AKR1C3: variants seen among roughly 807,000 people sequenced by gnomAD.
The protein encoded by AKR1C3 is aldo-keto reductase family 1 member C3.
AKR1C3 carries 48 observed loss-of-function variants against 43.6 expected under a neutral mutation model. The ratio of observed to expected loss-of-function variants is 1.10; its 90% CI spans 0.87 to 1.40. The LOEUF (loss-of-function observed/expected upper bound fraction) is 1.40, where lower values mean the gene tolerates loss of function less well. AKR1C3 is among the 40% of genes most tolerant of loss of function. The pLI, the probability that AKR1C3 is intolerant of heterozygous loss-of-function variation, is 0.00. For synonymous variants in AKR1C3, 162 were observed against 139.6 expected (o/e 1.16, Z -1.13); for missense variants, 482 against 391.2 (o/e 1.23, Z -1.96).
intron 1 of AKR1C3, among the ~76,000 whole-genome samples, chr10:5,065,494 G>C (rs549745693): frequency 6.6e-6 from 1 of 152,284 alleles, no homozygotes; most frequent in South Asian, 2.1e-4. Context: ...AGGGTGTCCA[G>C]GTTCTTGGCT....
At chr10:5,060,465 T>C (rs376043480) in intron 1 of AKR1C3, among the ~76,000 whole-genome samples, 2 of 152,158 alleles carry the variant, frequency 1.3e-5, no homozygotes, top group South Asian at 2.1e-4. Context: ...AGAGTGTCGA[T>C]TGGTGCATTC....
chr10:5,059,145 G>A (rs190792627), intron 1 of AKR1C3, among the ~76,000 whole-genome samples: 1 of 152,266 alleles, frequency 6.6e-6, no homozygotes, highest in East Asian at 1.9e-4. Flanking sequence ...ATTCCAGGTA[G>A]TCCCCACTAT....
chr10:5,054,023 T>C (rs892469014), intron 1 of AKR1C3, among the ~76,000 whole-genome samples: 1 of 152,182 alleles, frequency 6.6e-6, no homozygotes, highest in Non-Finnish European at 1.5e-5. Context: ...CTCCAGAGGT[T>C]GGTATAAGAA....
At chr10:5,105,182 A>T (rs1287726495) in intron 7 of AKR1C3, 1 of 156,346 alleles carries the variant, frequency 6.4e-6, no homozygotes, top group Non-Finnish European at 1.4e-5. Flanking sequence ...ATACCTGTTT[A>T]TTAAAGAGAT....
chr10:5,075,257 A>G (rs1261932646), intron 1 of AKR1C3, among the ~76,000 whole-genome samples: 1 of 151,864 alleles, frequency 6.6e-6, no homozygotes, highest in Non-Finnish European at 1.5e-5. Flanking sequence ...TCCCCTACAC[A>G]TGGTCATAAG....
intron 1 of AKR1C3, among the ~76,000 whole-genome samples, chr10:5,056,327 A>G (rs1217133420): frequency 1.3e-5 from 2 of 152,198 alleles, no homozygotes; most frequent in African/African-American, 2.4e-5. Context: ...CTTGAGGTCC[A>G]GAACCATGAA....
intron 1 of AKR1C3, among the ~76,000 whole-genome samples, chr10:5,055,396 A>T (rs1388204987): frequency 6.6e-6 from 1 of 152,232 alleles, no homozygotes; most frequent in Admixed American, 6.5e-5. Context: ...TCCCTCAAGG[A>T]GTAGTGCCTA....
chr10:5,050,596 A>G lies in AKR1C3; in HGVS notation c.84+1701A>G, dbSNP rs191716829. On this transcript the variant is annotated intron_variant, in intron 1 of 8. Coordinates refer to the AKR1C3 transcript ENST00000439082. The stretch of plus-strand genomic sequence containing the variant: ...AAGAACTCAAAAACTGGTAGATACC[A>G]TTGTTGATATTTTATTAATATAGAG... Among the ~76,000 whole-genome samples the G allele has an allele frequency of 2.4e-3, 361 of 152,360 alleles. 5 individuals are homozygous for G. The highest frequency in any genetic ancestry group is 0.021 in the Admixed American group (321 of 15,308).
At chr10:5,077,587 T>TA (rs782716721) in intron 1 of AKR1C3, 1 of 853,324 alleles carries the variant, frequency 1.2e-6, no homozygotes, top group Non-Finnish European at 1.4e-6. Context: ...AGACAATGGG[T>TA]AAAACATTAA....
At chr10:5,095,352 T>C (rs1329710218) in intron 1 of AKR1C3, among the ~76,000 whole-genome samples, 4 of 152,020 alleles carry the variant, frequency 2.6e-5, no homozygotes, top group African/African-American at 7.2e-5. Flanking sequence ...TCTAGACCAG[T>C]GACAAAAGTG....
rs879946252 is a variant in AKR1C3, at chr10:5,049,002, C to G, written c.84+107C>G. The G allele has an allele frequency of 4.7e-6, 4 of 852,182 alleles. No individual in the cohort carries two copies. The South Asian group carries it at 5.9e-5, about 13-fold the overall frequency. The allele number at this position is 852,182 out of a possible 1,614,324, so 52.8% of individuals were successfully genotyped here. On this transcript the variant is annotated intron_variant, in intron 1 of 8. Transcript: ENST00000439082. ...TGTTCGTGTATTACTCTGCATGACT[C>G]CAACCTGAGTTTCCCTAGGTTAAAG...
chr10:5,067,051 TG>T (rs1395754609), intron 1 of AKR1C3, among the ~76,000 whole-genome samples: 2 of 152,222 alleles, frequency 1.3e-5, no homozygotes, highest in African/African-American at 2.4e-5. Flanking sequence ...TTTGTTTGTT[TG>T]TTTGTTTTTG....
intron 5 of AKR1C3, among the ~76,000 whole-genome samples, chr10:5,101,623 T>C (rs183262844): frequency 3.0e-4 from 45 of 152,338 alleles, no homozygotes; most frequent in Admixed American, 2.9e-3. Context: ...ATTAATTTTA[T>C]TAATTTTTGT....
chr10:5,107,574 C>A lies in AKR1C3; in HGVS notation c.*71C>A, dbSNP rs1839540504. On this transcript the variant is annotated 3_prime_UTR_variant, in exon 9 of 9. Coordinates refer to ENST00000380554, the MANE Select transcript of AKR1C3 (RefSeq NM_003739.6). ...TGGTGACGCAGAGGACGTCTCTATGCCGGTGACTGGACATATCACCTCTAC... is the reference window on the plus strand; with the variant it reads ...TGGTGACGCAGAGGACGTCTCTATGACGGTGACTGGACATATCACCTCTAC... 8.0e-7 allele frequency: 1 copy of A among 1,251,806 alleles called. No homozygotes were observed. Among genetic ancestry groups the A allele is most frequent in the Non-Finnish European group, 1.2e-6 (1 of 861,462 alleles). The allele number at this position is 1,251,806 out of a possible 1,614,324, so 77.5% of individuals were successfully genotyped here. A position where few individuals can be genotyped will look rare whatever the true frequency, so the allele number is the denominator to read the frequency against.
At chr10:5,095,310 G>C (rs1268880299) in intron 1 of AKR1C3, among the ~76,000 whole-genome samples, 7 of 151,946 alleles carry the variant, frequency 4.6e-5, no homozygotes, top group African/African-American at 1.7e-4. Context: ...TCACTTTATC[G>C]ATAAGTTGTG....
intron 3 of AKR1C3, chr10:5,098,271 T>C: frequency 4.6e-6 from 4 of 866,892 alleles, no homozygotes; most frequent in Non-Finnish European, 2.8e-6. Flanking sequence ...TTTTTATTAT[T>C]GTTGACCCAA....
intron 1 of AKR1C3, among the ~76,000 whole-genome samples, chr10:5,076,084 C>T (rs1404471544): frequency 2.6e-5 from 4 of 152,096 alleles, no homozygotes; most frequent in Non-Finnish European, 5.9e-5. Context: ...TGCATTTAAG[C>T]CTGTTTTTAC....
At chr10:5,083,388 C>A (rs1424398653) in intron 1 of AKR1C3, among the ~76,000 whole-genome samples, 4 of 152,116 alleles carry the variant, frequency 2.6e-5, no homozygotes, top group African/African-American at 9.7e-5. Context: ...TCATCCATGT[C>A]CCTAAAAAGG....
intron 1 of AKR1C3, among the ~76,000 whole-genome samples, chr10:5,080,291 C>A (rs1376125834): frequency 1.3e-5 from 2 of 152,118 alleles, no homozygotes; most frequent in Non-Finnish European, 2.9e-5. Context: ...AGTATACTTA[C>A]TTGCATAATT....
Sources: allele counts gnomAD v4.1 joint callset (sites outside exome capture counted in the v4.1 genomes callset), GRCh38; gene constraint gnomAD v4.1.1; transcripts MANE v1.5; gene names NCBI Gene and HGNC (gene_info 2026-07-23, HGNC 2026-07-21).